CBR4: variants seen among roughly 807,000 people sequenced by gnomAD.
The protein encoded by CBR4 is 3-oxoacyl-[acyl-carrier-protein] reductase.
A neutral mutation model predicts 21.0 loss-of-function variants in CBR4; 22 were observed. The observed-to-expected ratio is 1.05, with a 90% CI of 0.75 to 1.50. The LOEUF (loss-of-function observed/expected upper bound fraction) is 1.50. CBR4 is among the 40% of genes most tolerant of loss of function. CBR4 has a pLI of 0.00. For missense variants in CBR4, 302 were observed against 286.3 expected (o/e 1.05, Z -0.40); for synonymous variants, 100 against 104.4 (o/e 0.96, Z 0.26).
At chr4:168,900,843 G>A (rs1319944584) in intron 2 of CBR4, among the ~76,000 whole-genome samples, 2 of 152,156 alleles carry the variant, frequency 1.3e-5, no homozygotes, top group African/African-American at 4.8e-5. Flanking sequence ...TGTAGTTTAT[G>A]AACGAAATTC....
intron 2 of CBR4, among the ~76,000 whole-genome samples, chr4:169,007,303 T>A (rs1730985532): frequency 6.6e-6 from 1 of 152,186 alleles, no homozygotes; most frequent in South Asian, 2.1e-4. Flanking sequence ...AGTATTAAGT[T>A]CACAAACTGG....
rs762951037 is a variant in CBR4 at position 169,006,802 on chromosome 4, G to T, written c.353C>A (p.Ala118Asp). Reference sequence around the variant, plus strand: ...CTGTTGTTGAATCATAGTCCTCATGGCAGCTTTACAGGTCAGCATGGAACC... The same window carrying T: ...CTGTTGTTGAATCATAGTCCTCATGTCAGCTTTACAGGTCAGCATGGAACC... ...LLGSMLTCKA[A>D]MRTMIQQQGG... Residue 118 changes from alanine to aspartate, a missense_variant, in exon 3 of 5, where the codon GCC becomes GAC. Transcript: ENST00000306193. 1.2e-6 allele frequency: 2 copies of T among 1,613,728 alleles called. No individual in the cohort carries two copies. Among genetic ancestry groups the T allele is most frequent in the Non-Finnish European group, 1.7e-6 (2 of 1,179,710 alleles).
chr4:168,941,884 T>A (rs1228253409), intron 2 of CBR4, among the ~76,000 whole-genome samples: 2 of 152,184 alleles, frequency 1.3e-5, no homozygotes, highest in Non-Finnish European at 2.9e-5. Context: ...TGTCTGTTCA[T>A]ATCCTTCAAA....
intron 4 of CBR4, among the ~76,000 whole-genome samples, chr4:168,992,809 GA>G (rs1436649862): frequency 6.6e-6 from 1 of 152,012 alleles, no homozygotes. Flanking sequence ...AAAAGTTGTT[GA>G]AAAAATGCAC....
chr4:169,006,947 G>T, intron 2 of CBR4, 56 bp from the exon 3 acceptor site: 3 of 1,407,690 alleles, frequency 2.1e-6, no homozygotes, highest in Non-Finnish European at 3.0e-6. Context: ...AACCAAAAAG[G>T]TCAAGACTAA....
At chr4:168,894,498 G>GT (rs767498519) in intron 3 of CBR4, 25 of 844,156 alleles carry the variant, frequency 3.0e-5, no homozygotes, top group Non-Finnish European at 4.4e-5. Context: ...AAAGTGTGTT[G>GT]TTTTTTACTC....
intron 4 of CBR4, among the ~76,000 whole-genome samples, chr4:168,995,691 A>T (rs1765162074): frequency 6.6e-6 from 1 of 152,138 alleles, no homozygotes; most frequent in Non-Finnish European, 1.5e-5. Flanking sequence ...TGCCTTTCAC[A>T]CTAGGCTATA....
At chr4:168,940,254 T>A (rs1763225926) in intron 2 of CBR4, among the ~76,000 whole-genome samples, 1 of 152,156 alleles carries the variant, frequency 6.6e-6, no homozygotes, top group Non-Finnish European at 1.5e-5. Context: ...AAACTGAAAC[T>A]GAACCCCTTC....
rs528100210 is a variant in CBR4 at position 168,933,336 on chromosome 4, C to T, written n.170-38571G>A. 3.3e-5 allele frequency among the ~76,000 whole-genome samples: 5 copies of T among 152,050 alleles called. No homozygotes were observed. The South Asian group carries it at 1.0e-3, about 32-fold the overall frequency. Reference sequence around the variant, plus strand: ...GATGGAAAAAAATAATCAATGCAAACAGAAACAAAAAGTGAGCAGAAGTAG... The same window carrying T: ...GATGGAAAAAAATAATCAATGCAAATAGAAACAAAAAGTGAGCAGAAGTAG... On this transcript the variant is annotated intron_variant and non_coding_transcript_variant, in intron 2 of 3. Coordinates refer to the CBR4 transcript ENST00000509108.
At chr4:169,001,885 A>G in intron 4 of CBR4, 186 bp downstream of exon 4, 1 of 434,782 alleles carries the variant, frequency 2.3e-6, no homozygotes, top group Non-Finnish European at 4.1e-6. Flanking sequence ...ACAGGCTAAC[A>G]CATAGACTTT....
intron 2 of CBR4, among the ~76,000 whole-genome samples, chr4:168,963,556 C>T (rs1471109815): frequency 1.3e-5 from 2 of 150,988 alleles, no homozygotes; most frequent in Non-Finnish European, 2.9e-5. Context: ...CTGCAACCTT[C>T]GCCTACTGGG....
chr4:168,984,591 G>A (rs1691142792), downstream of CBR4, among the ~76,000 whole-genome samples: 1 of 151,800 alleles, frequency 6.6e-6, no homozygotes, highest in African/African-American at 2.4e-5. Flanking sequence ...AAGAGCCAAA[G>A]AGTCATAGCA....
chr4:168,945,413 G>A (rs1029221604), intron 2 of CBR4, among the ~76,000 whole-genome samples: 1 of 152,132 alleles, frequency 6.6e-6, no homozygotes, highest in South Asian at 2.1e-4. Flanking sequence ...ATTTGCACAT[G>A]GTTCTTTACA....
chr4:168,903,033 A>G (rs1582035177), intron 2 of CBR4, among the ~76,000 whole-genome samples: 2 of 152,302 alleles, frequency 1.3e-5, no homozygotes, highest in Middle Eastern at 3.4e-3. Flanking sequence ...TGCTGGGATT[A>G]TAGGTAGGCA....
chr4:168,975,327 T>C (rs1402375268), intron 2 of CBR4, among the ~76,000 whole-genome samples: 1 of 152,234 alleles, frequency 6.6e-6, no homozygotes, highest in Non-Finnish European at 1.5e-5. Context: ...TAAAGTGGAC[T>C]CTGTGGGAGT....
intron 2 of CBR4, chr4:168,914,158 TG>T (rs1759627954): frequency 4.4e-6 from 3 of 686,156 alleles, no homozygotes; most frequent in African/African-American, 1.8e-5. Context: ...CTGAAGCCTG[TG>T]GCTCCTTGAT....
At chr4:168,906,287 A>G (rs184414984) in intron 2 of CBR4, among the ~76,000 whole-genome samples, 101 of 152,358 alleles carry the variant, frequency 6.6e-4, no homozygotes, top group African/African-American at 2.3e-3. Context: ...TTTATAGAAC[A>G]AAAGAACATA....
At chr4:168,917,939 G>C in intron 2 of CBR4, among the ~76,000 whole-genome samples, 1 of 152,036 alleles carries the variant, frequency 6.6e-6, no homozygotes, top group East Asian at 1.9e-4. Context: ...AGTGGCACAC[G>C]CCTGTAATCC....
Position 168,989,344 on chromosome 4 carries a change from G to A in CBR4, c.*806C>T. The A allele has an allele frequency of 1.0e-6, 1 of 985,320 alleles. No individual in the cohort carries two copies. Among genetic ancestry groups the A allele is most frequent in the Non-Finnish European group, 1.2e-6 (1 of 829,888 alleles). 61.0% of individuals were successfully genotyped at this position (985,320 alleles called of 1,614,324 possible). On this transcript the variant is annotated 3_prime_UTR_variant, in exon 5 of 5. Coordinates refer to ENST00000306193, the MANE Select transcript of CBR4 (RefSeq NM_032783.5). ...ACTGTACCAGGTATTAAAACCTTAAGGGCTAATCCTCTTCACTTATGAGAA... is the reference window on the plus strand; with the variant it reads ...ACTGTACCAGGTATTAAAACCTTAAAGGCTAATCCTCTTCACTTATGAGAA...
Sources: gnomAD v4.1 joint callset for allele counts (sites outside exome capture counted in the v4.1 genomes callset) on GRCh38, gnomAD v4.1.1 for gene constraint, MANE v1.5 for transcripts, NCBI Gene and HGNC (gene_info 2026-07-23, HGNC 2026-07-21) for gene names.